GGTA1: variants seen among roughly 807,000 people sequenced by gnomAD.
The protein encoded by GGTA1 is glycoprotein alpha-galactosyltransferase 1 (inactive), also known as inactive N-acetyllactosaminide alpha-1,3-galactosyltransferase.
GGTA1 carries 5 observed loss-of-function variants against 2.6 expected under a neutral mutation model. The observed-to-expected ratio is 1.92, with a 90% CI of 1.00 to 4.04. The LOEUF is 4.04. GGTA1 is among the 30% of genes most tolerant of loss of function. GGTA1 has a pLI of 0.00. For missense variants in GGTA1, 50 were observed against 16.7 expected, an observed-to-expected ratio of 2.99 and a Z score of -3.47; for synonymous variants, 17 against 5.0, an observed-to-expected ratio of 3.38 and a Z score of -3.19.
intron 1 of GGTA1, among the ~76,000 whole-genome samples, chr9:121,495,909 A>T (rs1170340539): frequency 6.6e-6 from 1 of 152,238 alleles, no homozygotes; most frequent in Non-Finnish European, 1.5e-5. Context: ...CCCATTGGGC[A>T]GTTAAACATG....
At chr9:121,473,276 T>C (rs965540810) in intron 1 of GGTA1, among the ~76,000 whole-genome samples, 3 of 135,302 alleles carry the variant, frequency 2.2e-5, no homozygotes, top group Non-Finnish European at 4.6e-5. Context: ...GCAAAGATCA[T>C]GCCACTGCAC....
intron 5 of GGTA1, among the ~76,000 whole-genome samples, chr9:121,457,825 G>C (rs1181381126): frequency 6.6e-6 from 1 of 151,942 alleles, no homozygotes; most frequent in Non-Finnish European, 1.5e-5. Flanking sequence ...TCACAAATGA[G>C]GATGTGGTGT....
chr9:121,479,232 C>T (rs1481346026), intron 1 of GGTA1: 5 of 407,984 alleles, frequency 1.2e-5, no homozygotes, highest in Admixed American at 9.4e-5. Context: ...TACCTCCTGC[C>T]GCTTTCACCC....
Position 121,455,370 on chromosome 9 carries a change from C to A in GGTA1, c.*467G>T. 1 of 152,480 alleles carries A rather than the reference C, an allele frequency of 6.6e-6. No homozygotes were observed. The highest frequency in any genetic ancestry group is 2.1e-4 in the South Asian group (1 of 4,834). 9.4% of individuals were successfully genotyped at this position (152,480 alleles called of 1,614,324 possible). A position where few individuals can be genotyped will look rare whatever the true frequency, so the allele number is the denominator to read the frequency against. ...GCTAAGTCTTGTAAATGTGTATAAG[C>A]TGGACATTTGGTAATATTATTTTTA... On this transcript the variant is annotated 3_prime_UTR_variant, in exon 6 of 6. Coordinates refer to ENST00000481799, the MANE Select transcript of GGTA1 (RefSeq NM_001382585.1).
chr9:121,453,278 A>T (rs990873522), downstream of GGTA1, among the ~76,000 whole-genome samples: 1 of 152,210 alleles, frequency 6.6e-6, no homozygotes, highest in Admixed American at 6.5e-5. Flanking sequence ...TTAGACCAGG[A>T]GCATCTTTAC....
intron 2 of GGTA1, among the ~76,000 whole-genome samples, chr9:121,466,199 T>C (rs1425398474): frequency 2.6e-5 from 4 of 152,102 alleles, no homozygotes; most frequent in Non-Finnish European, 4.4e-5. Context: ...GGATTACAGG[T>C]GTGAGCCACC....
downstream of GGTA1, among the ~76,000 whole-genome samples, chr9:121,453,908 G>T (rs956886229): frequency 6.6e-6 from 1 of 152,088 alleles, no homozygotes; most frequent in Non-Finnish European, 1.5e-5. Context: ...CGGGCCTCCT[G>T]TCCCTTGTCC....
At chr9:121,494,244 A>C (rs1828941376) in intron 1 of GGTA1, among the ~76,000 whole-genome samples, 1 of 152,122 alleles carries the variant, frequency 6.6e-6, no homozygotes, top group African/African-American at 2.4e-5. Flanking sequence ...TGTGGCACAA[A>C]ATTTGAACAG....
chr9:121,469,328 G>T (rs1828331612), intron 1 of GGTA1, among the ~76,000 whole-genome samples: 1 of 152,180 alleles, frequency 6.6e-6, no homozygotes. Flanking sequence ...AAAACTTCTT[G>T]TATTTAAACA....
In GGTA1 at chr9:121,495,104, G is replaced by C. The variant is rs535500520; in HGVS notation, c.-10+4546C>G. On this transcript the variant is annotated intron_variant, in intron 1 of 5. Coordinates refer to ENST00000481799, the MANE Select transcript of GGTA1 (RefSeq NM_001382585.1). ...CCAACTAATTTTTGTATTTTTAGTAGAGATGGGGTTTCACTTTGTTGGCCA... is the reference window on the plus strand; with the variant it reads ...CCAACTAATTTTTGTATTTTTAGTACAGATGGGGTTTCACTTTGTTGGCCA... Among the ~76,000 whole-genome samples, 102 of 151,954 alleles carry C rather than the reference G, an allele frequency of 6.7e-4. 1 individual carries two copies. The highest frequency in any genetic ancestry group is 2.4e-3 in the African/African-American group (98 of 41,482).
exon 8 of GGTA1, chr9:121,446,235 T>G (rs2064851794): frequency 6.6e-6 from 1 of 152,284 alleles, no homozygotes; most frequent in African/African-American, 2.4e-5. Flanking sequence ...CTTCGCTATT[T>G]CATGGCAAAC....
rs77378583 is a variant in GGTA1 at position 121,463,320 on chromosome 9, C to T, written c.89G>A (p.Gly30Asp). 0.088 allele frequency: 39,448 copies of T among 449,854 alleles called. 2,290 individuals carry two copies. The highest frequency in any genetic ancestry group is 0.12 in the Non-Finnish European group (27,863 of 224,458). 27.9% of individuals were successfully genotyped at this position (449,854 alleles called of 1,614,324 possible). The change falls in exon 3 of 6, where the codon GGC (glycine) becomes GAC (aspartate). Residue 30 changes from glycine (G) to aspartate (D), a missense_variant. Gly to Asp is a moderately conservative substitution (Grantham distance 94). Transcript: ENST00000481799. ...TGAGTGATATATCCACAAGAAAGAG[C>T]CTTCTGTGCTAAAAGCAAAAAAGAA... ...VFWEFINSTEGSFLWIYHSKN... is the reference protein window; with the variant it reads ...VFWEFINSTEDSFLWIYHSKN...
downstream of GGTA1, among the ~76,000 whole-genome samples, chr9:121,452,515 AT>A (rs1396941751): frequency 6.7e-6 from 1 of 149,984 alleles, no homozygotes; most frequent in Non-Finnish European, 1.5e-5. Flanking sequence ...TTTTTTTTTT[AT>A]TTTTATTTTT....
At chr9:121,470,652 G>T (rs957240211) in intron 1 of GGTA1, among the ~76,000 whole-genome samples, 1 of 152,208 alleles carries the variant, frequency 6.6e-6, no homozygotes, top group African/African-American at 2.4e-5. Context: ...ATTCCATCTT[G>T]CTCCTAACCT....
chr9:121,497,689 G>A (rs1829022534), intron 1 of GGTA1, among the ~76,000 whole-genome samples: 1 of 152,162 alleles, frequency 6.6e-6, no homozygotes, highest in African/African-American at 2.4e-5. Context: ...AGGGACACAG[G>A]CAGGTACCTA....
chr9:121,459,685 C>T lies in GGTA1; in HGVS notation c.298+419G>A, dbSNP rs943870436. 3.3e-5 allele frequency among the ~76,000 whole-genome samples: 5 copies of T among 152,280 alleles called. No individual in the cohort carries two copies. The East Asian group carries it at 7.7e-4, about 24-fold the overall frequency. Reference sequence around the variant, plus strand: ...CTTTCTGGCCAATGGCACCATCACCCACCAGTCTCTCAGGTCTCAAAGTCA... The same window carrying T: ...CTTTCTGGCCAATGGCACCATCACCTACCAGTCTCTCAGGTCTCAAAGTCA... On this transcript the variant is annotated intron_variant, in intron 5 of 5. Coordinates refer to ENST00000481799, the MANE Select transcript of GGTA1 (RefSeq NM_001382585.1).
Position 121,476,601 on chromosome 9 carries a change from C to T in GGTA1, c.-9-8670G>A, listed in dbSNP as rs1828515483. Among the ~76,000 whole-genome samples, 2 of 152,320 alleles carry T rather than the reference C, an allele frequency of 1.3e-5. No homozygotes were observed. The highest frequency in any genetic ancestry group is 4.1e-4 in the South Asian group (2 of 4,824). ...GAGCTCACCCTGCTGCAGTGACCTA[C>T]ACGGGCCCCTTGGTGTGATGATCAA... On this transcript the variant is annotated intron_variant, in intron 1 of 5. Transcript: ENST00000481799. The surrounding 1 kb of genome is among the most constrained non-coding windows in gnomAD (Gnocchi z 4.6).
chr9:121,487,063 G>T (rs926286290), intron 1 of GGTA1, among the ~76,000 whole-genome samples: 2 of 152,188 alleles, frequency 1.3e-5, no homozygotes, highest in Admixed American at 1.3e-4. Context: ...CTGCCCCAAA[G>T]CAGATGGATT....
intron 5 of GGTA1, among the ~76,000 whole-genome samples, chr9:121,457,713 A>C (rs1173468842): frequency 1.3e-5 from 2 of 150,332 alleles, no homozygotes; most frequent in African/African-American, 4.9e-5. Flanking sequence ...AAAAAAAAAA[A>C]AAACAGTATA....
Sources: allele counts gnomAD v4.1 joint callset (sites outside exome capture counted in the v4.1 genomes callset), GRCh38; gene constraint gnomAD v4.1.1; non-coding constraint Gnocchi (gnomAD v3.1); transcripts MANE v1.5; gene names NCBI Gene and HGNC (gene_info 2026-07-23, HGNC 2026-07-21).